UBE2E3: variants seen among roughly 807,000 people sequenced by gnomAD.
UBE2E3 encodes ubiquitin conjugating enzyme E2 E3.
UBE2E3 carries 5 observed loss-of-function variants against 23.6 expected under a neutral mutation model. That is an observed-to-expected ratio of 0.21 (90% CI 0.11 to 0.44). The LOEUF (loss-of-function observed/expected upper bound fraction) is 0.44, where lower values mean the gene tolerates loss of function less well. UBE2E3 is among the 20% of genes least tolerant of loss of function. The pLI, the probability that UBE2E3 is intolerant of heterozygous loss-of-function variation, is 0.99. For missense variants in UBE2E3, 81 were observed against 249.8 expected, an observed-to-expected ratio of 0.32 and a Z score of 4.55; for synonymous variants, 78 against 87.5, an observed-to-expected ratio of 0.89 and a Z score of 0.60.
At chr2:181,024,274 T>G (rs2105632838) in intron 3 of UBE2E3, among the ~76,000 whole-genome samples, 1 of 152,236 alleles carries the variant, frequency 6.6e-6, no homozygotes, top group East Asian at 1.9e-4. Flanking sequence ...AGAGTAAAAC[T>G]TAAAGTGAGC....
At chr2:181,022,731 A>C (rs79807622) in intron 3 of UBE2E3, among the ~76,000 whole-genome samples, 35,181 of 151,712 alleles carry the variant, frequency 0.23, 4,431 homozygotes, top group Non-Finnish European at 0.28. Flanking sequence ...GCAAAAAAAA[A>C]CAAAAAACAA....
At chr2:181,000,774 T>C (rs1684967802) in intron 3 of UBE2E3, among the ~76,000 whole-genome samples, 2 of 152,192 alleles carry the variant, frequency 1.3e-5, no homozygotes, top group South Asian at 4.1e-4. Context: ...CAGGATGGTC[T>C]CGATCTCCTG....
intron 3 of UBE2E3, among the ~76,000 whole-genome samples, chr2:181,048,735 A>G (rs1686743834): frequency 6.6e-6 from 1 of 152,118 alleles, no homozygotes; most frequent in Admixed American, 6.6e-5. Context: ...GATTCTTTCT[A>G]AAACACTCAG....
chr2:181,028,701 C>A (rs537215588), intron 3 of UBE2E3, among the ~76,000 whole-genome samples: 6 of 151,618 alleles, frequency 4.0e-5, no homozygotes, highest in African/African-American at 1.5e-4. Flanking sequence ...TGTGAAATGC[C>A]TTTTTTTTGT....
intron 4 of UBE2E3, among the ~76,000 whole-genome samples, chr2:181,059,791 C>G (rs914814972): frequency 1.3e-5 from 2 of 151,622 alleles, no homozygotes; most frequent in East Asian, 1.9e-4. Flanking sequence ...TCCCCTACCC[C>G]CTCCCTGTCA....
intron 3 of UBE2E3, among the ~76,000 whole-genome samples, chr2:181,053,454 T>G (rs1686902074): frequency 2.0e-5 from 3 of 151,896 alleles, no homozygotes. Flanking sequence ...TAACTCTTTT[T>G]ATAAACCATT....
chr2:181,033,668 A>G (rs1238624773), intron 3 of UBE2E3, among the ~76,000 whole-genome samples: 1 of 152,222 alleles, frequency 6.6e-6, no homozygotes, highest in East Asian at 1.9e-4. Context: ...ACAAAAGCCA[A>G]AATAGACAAA....
chr2:181,039,754 A>T (rs1443414440), intron 3 of UBE2E3, among the ~76,000 whole-genome samples: 4 of 152,230 alleles, frequency 2.6e-5, no homozygotes, highest in Non-Finnish European at 5.9e-5. Context: ...GTAAAATGTC[A>T]TCCCGTGGTA....
intron 3 of UBE2E3, among the ~76,000 whole-genome samples, chr2:181,045,067 AAG>A (rs765814022): frequency 6.6e-6 from 1 of 152,156 alleles, no homozygotes; most frequent in Non-Finnish European, 1.5e-5. Flanking sequence ...TATAAGCAGA[AAG>A]AGAGGGAGGG....
At chr2:181,052,343 T>C (rs1161371195) in intron 3 of UBE2E3, among the ~76,000 whole-genome samples, 1 of 151,810 alleles carries the variant, frequency 6.6e-6, no homozygotes, top group African/African-American at 2.4e-5. Context: ...AGCCCCTTCC[T>C]CATCCTCTTT....
intron 3 of UBE2E3, among the ~76,000 whole-genome samples, chr2:181,045,702 A>G (rs549183742): frequency 2.0e-5 from 3 of 152,276 alleles, no homozygotes; most frequent in African/African-American, 4.8e-5. Context: ...GTTGGGACCC[A>G]TGGTTTCAGA....
At chr2:181,040,707 C>T (rs1574211819) in intron 3 of UBE2E3, among the ~76,000 whole-genome samples, 1 of 152,112 alleles carries the variant, frequency 6.6e-6, no homozygotes, top group African/African-American at 2.4e-5. Context: ...ACAGTTTAGT[C>T]TGATGACAAA....
intron 3 of UBE2E3, among the ~76,000 whole-genome samples, chr2:181,011,807 GTCC>G (rs1454057294): frequency 2.6e-5 from 4 of 152,082 alleles, no homozygotes; most frequent in African/African-American, 9.7e-5. Context: ...TGAACCATGT[GTCC>G]TCCTTTTAAG....
At chr2:180,981,642 G>T (rs1470515080) in intron 1 of UBE2E3, among the ~76,000 whole-genome samples, 1 of 152,200 alleles carries the variant, frequency 6.6e-6, no homozygotes, top group African/African-American at 2.4e-5. Flanking sequence ...ATATTTAGAC[G>T]TTATTAGTGA....
At chr2:181,030,584 A>C (rs1236590397) in intron 3 of UBE2E3, among the ~76,000 whole-genome samples, 1 of 152,148 alleles carries the variant, frequency 6.6e-6, no homozygotes, top group Non-Finnish European at 1.5e-5. Context: ...CAGAGAAAAA[A>C]AATTATTTTT....
chr2:181,033,034 A>G (rs978786079), intron 3 of UBE2E3, among the ~76,000 whole-genome samples: 3 of 152,228 alleles, frequency 2.0e-5, no homozygotes, highest in Admixed American at 1.3e-4. Flanking sequence ...AAAAGAGGAC[A>G]CAAACAAATG....
At chr2:181,034,355 G>T (rs971711167) in intron 3 of UBE2E3, among the ~76,000 whole-genome samples, 3 of 152,160 alleles carry the variant, frequency 2.0e-5, no homozygotes, top group Non-Finnish European at 2.9e-5. Flanking sequence ...CCATAAGAAA[G>T]GATGAGTTCA....
chr2:181,054,318 A>G (rs916111180), intron 3 of UBE2E3, among the ~76,000 whole-genome samples: 5 of 151,830 alleles, frequency 3.3e-5, no homozygotes, highest in Non-Finnish European at 7.4e-5. Flanking sequence ...ATGAATCTAG[A>G]TATTTTGCAT....
chr2:180,984,549 A>C (rs1421212446), intron 3 of UBE2E3, among the ~76,000 whole-genome samples: 1 of 152,214 alleles, frequency 6.6e-6, no homozygotes. Context: ...TTATTCAGTT[A>C]CTAGCCTTAA....
Sources: allele counts gnomAD v4.1 joint callset (sites outside exome capture counted in the v4.1 genomes callset), GRCh38; gene constraint gnomAD v4.1.1; transcripts MANE v1.5; gene names NCBI Gene and HGNC (gene_info 2026-07-23, HGNC 2026-07-21).